Variants in RYR2 observed in about 807,000 individuals in gnomAD.
RYR2 encodes the protein ryanodine receptor 2, also known as cardiac muscle ryanodine receptor-calcium release channel.
Under a neutral mutation model 601.1 loss-of-function variants are expected in RYR2, and 227 were observed. The ratio of observed to expected loss-of-function variants is 0.38; its 90% confidence interval spans 0.34 to 0.42. The LOEUF is 0.42. RYR2 is among the 10% of genes least tolerant of loss of function. RYR2 has a pLI of 1.00. For missense variants in RYR2, 4,646 were observed against 6,156.5 expected (o/e 0.75, Z 8.21); for synonymous variants, 2,223 against 2,175.1 (o/e 1.02, Z -0.61).
At chr1:237,422,423 C>T (rs1705691138) in intron 11 of RYR2, among the ~76,000 whole-genome samples, 1 of 152,102 alleles carries the variant, frequency 6.6e-6, no homozygotes. Flanking sequence ...TATCATTTTA[C>T]TGAAACATTC....
chr1:237,817,851 C>G (rs975388554), intron 100 of RYR2, among the ~76,000 whole-genome samples: 1 of 152,174 alleles, frequency 6.6e-6, no homozygotes, highest in African/African-American at 2.4e-5. Flanking sequence ...CAGCAACTAA[C>G]TAGGTTTTGA....
rs1675797310 is a variant in RYR2 at position 237,595,540 on chromosome 1, C to A, written c.4479C>A (p.Ser1493Arg). The stretch of plus-strand genomic sequence containing the variant: ...GCTATATGGTATGTGCGGGTGAGAG[C>A]ATGAGCCCCGGGCAAGGACGCAACA... ...SNCYMVCAGESMSPGQGRNNN... is the reference protein window; with the variant it reads ...SNCYMVCAGERMSPGQGRNNN... Residue 1493 changes from serine to arginine, a missense_variant, in exon 34 of 105, where the codon AGC becomes AGA. By Grantham distance (110) the Ser-to-Arg change is moderately radical. This residue lies in a region of RYR2 where 1,807 missense variants were observed against 2,088.1 expected (regional missense o/e 0.87). Transcript: ENST00000366574. 1 of 1,613,530 alleles carries A rather than the reference C, an allele frequency of 6.2e-7. No homozygotes were observed. Among genetic ancestry groups the A allele is most frequent in the Admixed American group, 1.7e-5 (1 of 59,962 alleles).
At chr1:237,570,357 A>C (rs1412014482) in intron 29 of RYR2, among the ~76,000 whole-genome samples, 1 of 114,302 alleles carries the variant, frequency 8.7e-6, no homozygotes, top group Non-Finnish European at 1.8e-5. Flanking sequence ...TTTTTTTTTG[A>C]GTCAGAGTTT....
intron 1 of RYR2, among the ~76,000 whole-genome samples, chr1:237,055,774 A>G (rs1661919966): frequency 6.6e-6 from 1 of 152,176 alleles, no homozygotes; most frequent in African/African-American, 2.4e-5. Context: ...CCTTAATGGG[A>G]AATAGGGTCT....
At chr1:237,226,993 T>A (rs973517271) in intron 1 of RYR2, among the ~76,000 whole-genome samples, 16 of 152,164 alleles carry the variant, frequency 1.1e-4, no homozygotes, top group African/African-American at 3.6e-4. Flanking sequence ...GGTCTCAAAC[T>A]CTTGGGCTAA....
chr1:237,617,753 G>C (rs1678631471), intron 38 of RYR2, among the ~76,000 whole-genome samples: 1 of 152,148 alleles, frequency 6.6e-6, no homozygotes, highest in Non-Finnish European at 1.5e-5. Context: ...CTTCAAATAG[G>C]AGCAAATTTC....
At chr1:237,066,898 A>C (rs1454280798) in intron 1 of RYR2, among the ~76,000 whole-genome samples, 1 of 152,038 alleles carries the variant, frequency 6.6e-6, no homozygotes, top group Non-Finnish European at 1.5e-5. Context: ...CGGCCTCCCA[A>C]AGTGCTGGGA....
chr1:237,380,030 T>C (rs564232688), intron 8 of RYR2, among the ~76,000 whole-genome samples: 3 of 152,194 alleles, frequency 2.0e-5, no homozygotes, highest in African/African-American at 7.2e-5. Context: ...CAGAGCTGTA[T>C]GAGGATATTG....
At chr1:237,099,668 C>G (rs1667865268) in intron 1 of RYR2, among the ~76,000 whole-genome samples, 1 of 152,186 alleles carries the variant, frequency 6.6e-6, no homozygotes, top group African/African-American at 2.4e-5. Flanking sequence ...ATACCACATG[C>G]CGCATGGCAG....
At chr1:237,223,757 A>G (rs531591613) in intron 1 of RYR2, among the ~76,000 whole-genome samples, 1 of 152,226 alleles carries the variant, frequency 6.6e-6, no homozygotes, top group Non-Finnish European at 1.5e-5. Flanking sequence ...GGCAGTTTAC[A>G]TATCAGAAAT....
At chr1:237,168,743 T>C (rs2148894690) in intron 1 of RYR2, among the ~76,000 whole-genome samples, 1 of 152,334 alleles carries the variant, frequency 6.6e-6, no homozygotes, top group Admixed American at 6.5e-5. Context: ...CTGATGGCTG[T>C]CAGTTATACG....
chr1:237,157,497 A>G (rs981941328), intron 1 of RYR2, among the ~76,000 whole-genome samples: 6 of 152,154 alleles, frequency 3.9e-5, no homozygotes, highest in Non-Finnish European at 4.4e-5. Context: ...GTGTCCATCA[A>G]TGGATAAATG....
chr1:237,257,803 T>G (rs1203484099), intron 1 of RYR2, among the ~76,000 whole-genome samples: 2 of 152,018 alleles, frequency 1.3e-5, no homozygotes, highest in Non-Finnish European at 1.5e-5. Context: ...AGGTAAGACC[T>G]TAAAAATGGG....
intron 2 of RYR2, among the ~76,000 whole-genome samples, chr1:237,302,270 C>T (rs940763029): frequency 1.1e-4 from 16 of 152,250 alleles, no homozygotes; most frequent in Admixed American, 7.9e-4. Context: ...GAAACTTTTA[C>T]ATATTTTGCT....
intron 1 of RYR2, chr1:237,267,738 A>G (rs1284703137): frequency 1.2e-5 from 2 of 162,712 alleles, no homozygotes; most frequent in African/African-American, 4.8e-5. Context: ...GATAGGATGC[A>G]CCTTACAGAT....
At chr1:237,276,692 C>T (rs567766743) in intron 2 of RYR2, among the ~76,000 whole-genome samples, 1 of 152,102 alleles carries the variant, frequency 6.6e-6, no homozygotes, top group African/African-American at 2.4e-5. Context: ...TCATAAGGGA[C>T]CATTTGTCTA....
Position 237,146,428 on chromosome 1 carries a change from A to C in RYR2, c.48+103859A>C, listed in dbSNP as rs142531236. Reference sequence around the variant, plus strand: ...CTTGGAGAGGAATGCGTGGGAATGCAGTTCCAAGAATCACTGACACAGCTC... The same window carrying C: ...CTTGGAGAGGAATGCGTGGGAATGCCGTTCCAAGAATCACTGACACAGCTC... On this transcript the variant is annotated intron_variant, in intron 1 of 104. Coordinates refer to ENST00000366574, the MANE Select transcript of RYR2 (RefSeq NM_001035.3). 6.6e-5 allele frequency among the ~76,000 whole-genome samples: 10 copies of C among 152,324 alleles called. No homozygotes were observed. The East Asian group carries it at 1.7e-3, about 26-fold the overall frequency.
chr1:237,628,222 T>TA, intron 41 of RYR2, 142 bp downstream of exon 41: 2 of 1,033,392 alleles, frequency 1.9e-6, no homozygotes, highest in Non-Finnish European at 2.7e-6. Flanking sequence ...TTCTTTTTTT[T>TA]ATTTATTATT....
At chr1:237,550,523 G>A (rs1406704377) in intron 26 of RYR2, 21 bp from the exon 27 acceptor site, 1 of 1,605,282 alleles carries the variant, frequency 6.2e-7, no homozygotes, top group East Asian at 2.2e-5. Flanking sequence ...TTTGACGGCT[G>A]CACCCTGTGT....
Sources: gnomAD v4.1 joint callset for allele counts (sites outside exome capture counted in the v4.1 genomes callset) on GRCh38, gnomAD v4.1.1 for gene constraint, gnomAD v4.1.1 regional missense constraint, MANE v1.5 for transcripts, NCBI Gene and HGNC (gene_info 2026-07-23, HGNC 2026-07-21) for gene names.